The following CACNA2D3 variants were observed in gnomAD, a reference collection of about 807,000 sequenced individuals.
CACNA2D3 encodes the protein calcium voltage-gated channel auxiliary subunit alpha2delta 3.
A neutral mutation model predicts 160.6 loss-of-function variants in CACNA2D3; 60 were observed. The ratio of observed to expected loss-of-function variants is 0.37; its 90% CI spans 0.30 to 0.46. CACNA2D3 has a LOEUF of 0.46. CACNA2D3 is among the 20% of genes least tolerant of loss of function. The pLI, the probability that CACNA2D3 is intolerant of heterozygous loss-of-function variation, is 1.00. For missense variants in CACNA2D3, 1,205 were observed against 1,365.0 expected (o/e 0.88, Z 1.85); for synonymous variants, 558 against 492.9 (o/e 1.13, Z -1.75).
At chr3:54,242,579 A>G (rs1701992617) in intron 2 of CACNA2D3, among the ~76,000 whole-genome samples, 2 of 152,234 alleles carry the variant, frequency 1.3e-5, no homozygotes, top group African/African-American at 2.4e-5. Context: ...AAGCCCTGCG[A>G]CGCCTCAACA....
intron 21 of CACNA2D3, 115 bp from the exon 22 acceptor site, chr3:54,885,166 T>C (rs1699892833): frequency 2.0e-6 from 2 of 976,656 alleles, no homozygotes; most frequent in South Asian, 1.5e-5. Context: ...GCAGGTCCCT[T>C]AGGGTTGATG....
At chr3:54,172,040 G>A (rs11917010) in intron 2 of CACNA2D3, among the ~76,000 whole-genome samples, 33,566 of 152,144 alleles carry the variant, frequency 0.22, 4,250 homozygotes, top group East Asian at 0.36. Flanking sequence ...CGGATGGCCT[G>A]ACCATGGATC....
At chr3:54,564,458 G>C (rs1317889163) in intron 6 of CACNA2D3, among the ~76,000 whole-genome samples, 1 of 152,138 alleles carries the variant, frequency 6.6e-6, no homozygotes, top group Non-Finnish European at 1.5e-5. Flanking sequence ...AGTCCACCAA[G>C]GTGTTTCAAT....
chr3:54,606,182 TAAC>T (rs965142837), intron 9 of CACNA2D3, among the ~76,000 whole-genome samples: 8 of 152,090 alleles, frequency 5.3e-5, no homozygotes, highest in African/African-American at 1.2e-4. Flanking sequence ...AATCACATAA[TAAC>T]AACCAATGCA....
chr3:54,554,714 G>A (rs1702213403), intron 5 of CACNA2D3, among the ~76,000 whole-genome samples: 1 of 152,086 alleles, frequency 6.6e-6, no homozygotes, highest in South Asian at 2.1e-4. Flanking sequence ...AGTGGTAAGT[G>A]AGATCTCATA....
At chr3:54,238,229 A>T (rs1319866105) in intron 2 of CACNA2D3, among the ~76,000 whole-genome samples, 1 of 152,186 alleles carries the variant, frequency 6.6e-6, no homozygotes, top group Non-Finnish European at 1.5e-5. Context: ...AACTTTTTTA[A>T]TAGCGTGGCT....
At position 54,542,013 on chromosome 3, in the gene CACNA2D3, G is replaced by A. The variant is rs115060088; in HGVS notation, c.545-20787G>A. On this transcript the variant is annotated intron_variant, in intron 5 of 37. Coordinates refer to ENST00000474759, the MANE Select transcript of CACNA2D3 (RefSeq NM_018398.3). Reference sequence around the variant, plus strand: ...TGTATTAGTCAGGGTTCTCTAGAGCGACAGAACTAATATGATATATGTATA... The same window carrying A: ...TGTATTAGTCAGGGTTCTCTAGAGCAACAGAACTAATATGATATATGTATA... Among the ~76,000 whole-genome samples the A allele has an allele frequency of 7.6e-3, 1,145 of 151,564 alleles. 5 individuals carry two copies. The highest frequency in any genetic ancestry group is 0.012 in the Non-Finnish European group (814 of 67,844).
chr3:54,388,999 GA>G (rs1559468115), intron 4 of CACNA2D3, among the ~76,000 whole-genome samples: 6 of 144,240 alleles, frequency 4.2e-5, no homozygotes, highest in African/African-American at 1.5e-4. Flanking sequence ...TAAACAGATA[GA>G]TAGATTAAAA....
chr3:54,809,904 C>G (rs182209498), intron 13 of CACNA2D3, among the ~76,000 whole-genome samples: 42 of 152,172 alleles, frequency 2.8e-4, no homozygotes, highest in African/African-American at 9.6e-4. Context: ...CTCGGTAGAT[C>G]TTATATGGAG....
At chr3:54,469,542 C>T (rs182563860) in intron 4 of CACNA2D3, among the ~76,000 whole-genome samples, 1 of 152,158 alleles carries the variant, frequency 6.6e-6, no homozygotes, top group East Asian at 1.9e-4. Flanking sequence ...ATCACAACGC[C>T]TTGACAGCAA....
intron 34 of CACNA2D3, among the ~76,000 whole-genome samples, chr3:55,016,977 A>T (rs1703339313): frequency 1.3e-5 from 2 of 152,332 alleles, no homozygotes; most frequent in African/African-American, 4.8e-5. Context: ...TAGTGACAGC[A>T]ACATCCCACA....
intron 2 of CACNA2D3, among the ~76,000 whole-genome samples, chr3:54,150,536 A>C (rs1404135813): frequency 6.6e-6 from 1 of 152,234 alleles, no homozygotes; most frequent in African/African-American, 2.4e-5. Context: ...ACATACTGGT[A>C]TCTCTGGGAG....
intron 31 of CACNA2D3, among the ~76,000 whole-genome samples, chr3:54,994,147 A>G (rs1702805040): frequency 1.3e-5 from 2 of 152,038 alleles, no homozygotes; most frequent in Admixed American, 1.3e-4. Context: ...AAAAGGTGAC[A>G]CATCCAGGTA....
intron 4 of CACNA2D3, among the ~76,000 whole-genome samples, chr3:54,430,757 A>G (rs1274063962): frequency 6.6e-6 from 1 of 152,116 alleles, no homozygotes; most frequent in Non-Finnish European, 1.5e-5. Flanking sequence ...GTTCCTCTAC[A>G]TTTTTTGATT....
In CACNA2D3 at chr3:54,829,885, C is replaced by CTTTTTTTTTTTTTTT. The variant is rs58291013; in HGVS notation, c.1399-7261_1399-7247dup. 1.6e-4 allele frequency among the ~76,000 whole-genome samples: 10 copies of CTTTTTTTTTTTTTTT among 64,354 alleles called. 1 individual carries two copies. The highest frequency in any genetic ancestry group is 5.0e-4 in the African/African-American group (8 of 15,844). 42.2% of individuals were successfully genotyped at this position (64,354 alleles called of 152,430 possible). ...CATATCTTTTCTTCTTCTTCTTCAT[C>CTTTTTTTTTTTTTTT]TTTTTTTTTTTTTTTTTTTTTTTTT... On this transcript the variant is annotated intron_variant, in intron 14 of 37. Transcript: ENST00000474759.
At chr3:54,456,221 C>A (rs1461700657) in intron 4 of CACNA2D3, among the ~76,000 whole-genome samples, 1 of 151,690 alleles carries the variant, frequency 6.6e-6, no homozygotes, top group African/African-American at 2.4e-5. Context: ...TGTGTGTCTT[C>A]CTGATTTCTT....
intron 29 of CACNA2D3, among the ~76,000 whole-genome samples, chr3:54,971,717 A>G (rs917430506): frequency 6.6e-6 from 1 of 152,234 alleles, no homozygotes; most frequent in African/African-American, 2.4e-5. Context: ...GAAACATCCA[A>G]TACATGTTCA....
At chr3:54,699,395 G>A (rs1053018888) in intron 11 of CACNA2D3, among the ~76,000 whole-genome samples, 4 of 152,142 alleles carry the variant, frequency 2.6e-5, no homozygotes, top group African/African-American at 9.7e-5. Context: ...TCCCATGCTT[G>A]TCATGATTAA....
chr3:54,845,238 C>A (rs1268675303), intron 16 of CACNA2D3, among the ~76,000 whole-genome samples: 4 of 152,142 alleles, frequency 2.6e-5, no homozygotes, highest in Non-Finnish European at 4.4e-5. Flanking sequence ...TTTTAATTGC[C>A]AGTGTTAAAT....
Sources: allele counts gnomAD v4.1 joint callset (sites outside exome capture counted in the v4.1 genomes callset), GRCh38; gene constraint gnomAD v4.1.1; transcripts MANE v1.5; gene names NCBI Gene and HGNC (gene_info 2026-07-23, HGNC 2026-07-21).